Variants in BCL11B observed in about 807,000 individuals in gnomAD.
The protein encoded by BCL11B is BCL11 transcription factor B, also known as B-cell lymphoma/leukemia 11B.
Under a neutral mutation model 49.9 loss-of-function variants are expected in BCL11B, and 8 were observed. The observed-to-expected ratio is 0.16, with a 90% CI of 0.09 to 0.29. BCL11B has a LOEUF of 0.29. BCL11B is among the 10% of genes least tolerant of loss of function. The probability of loss-of-function intolerance (pLI) is 1.00; values close to 1 mark genes in which losing one functional copy is unlikely to be tolerated. For synonymous variants in BCL11B, 739 were observed against 637.4 expected (o/e 1.16, Z -2.40); for missense variants, 1,006 against 1,351.0 (o/e 0.74, Z 4.00).
chr14:99,233,485 T>C (rs1888397478), intron 2 of BCL11B, among the ~76,000 whole-genome samples: 1 of 152,230 alleles, frequency 6.6e-6, no homozygotes. Context: ...AATCCAGCCA[T>C]TGGAAGCTGC....
intron 3 of BCL11B, among the ~76,000 whole-genome samples, chr14:99,183,629 G>C (rs928672631): frequency 6.6e-6 from 1 of 151,410 alleles, no homozygotes; most frequent in African/African-American, 2.5e-5. Flanking sequence ...GTCGTTCGCT[G>C]TAGGATGAGG....
rs182361583 is a variant in BCL11B at position 99,242,492 on chromosome 14, G to T, written c.428-10935C>A. ...CCAGACAGCTCCTGGCTCCAAGCCTGCACCATCGCAGACTCCAGGTATCTG... is the reference window on the plus strand; with the variant it reads ...CCAGACAGCTCCTGGCTCCAAGCCTTCACCATCGCAGACTCCAGGTATCTG... On this transcript the variant is annotated intron_variant, in intron 2 of 3. Coordinates refer to ENST00000357195, the MANE Select transcript of BCL11B (RefSeq NM_138576.4). The surrounding 1 kb of genome is among the most constrained non-coding windows in gnomAD (Gnocchi z 4.4). 7.9e-4 allele frequency among the ~76,000 whole-genome samples: 121 copies of T among 152,310 alleles called. No individual in the cohort carries two copies. Among genetic ancestry groups the T allele is most frequent in the African/African-American group, 2.6e-3 (110 of 41,584 alleles).
At position 99,205,435 on chromosome 14, in the gene BCL11B, C is replaced by T. The variant is rs1274659122; in HGVS notation, c.640+25910G>A. Among the ~76,000 whole-genome samples, 1 of 152,192 alleles carries T rather than the reference C, an allele frequency of 6.6e-6. No homozygotes were observed. Among genetic ancestry groups the T allele is most frequent in the East Asian group, 1.9e-4 (1 of 5,178 alleles). ...GGACTCTCCCAAAGCCTGCATCTCC[C>T]ACTTCTACAATGACTGGTTAAATGC... is the stretch of plus-strand genomic sequence containing the variant. On this transcript the variant is annotated intron_variant, in intron 3 of 3. Transcript: ENST00000357195. This position sits in a 1 kb window ranked among gnomAD's most constrained non-coding sequence, Gnocchi z 5.0.
In BCL11B at chr14:99,257,420, G is replaced by T; in HGVS notation, c.427+51C>A. The T allele has an allele frequency of 6.5e-7, 1 of 1,547,618 alleles. No individual in the cohort carries two copies. Among genetic ancestry groups the T allele is most frequent in the Non-Finnish European group, 8.8e-7 (1 of 1,141,092 alleles). On this transcript the variant is annotated intron_variant, in intron 2 of 3. Coordinates refer to ENST00000357195, the MANE Select transcript of BCL11B (RefSeq NM_138576.4). This position sits in a 1 kb window ranked among gnomAD's most constrained non-coding sequence, Gnocchi z 6.2. The stretch of plus-strand genomic sequence containing the variant: ...CCAGCACACTCAGGCAGAGGGCATG[G>T]GACCCAGGAGGTGGCTTCCACAGCA...
intron 3 of BCL11B, among the ~76,000 whole-genome samples, chr14:99,226,538 A>G (rs1191538423): frequency 6.6e-6 from 1 of 152,222 alleles, no homozygotes; most frequent in African/African-American, 2.4e-5. Context: ...TCCGGTGTTA[A>G]TCGAACCCAG....
intron 1 of BCL11B, among the ~76,000 whole-genome samples, chr14:99,269,698 AATAT>A (rs1394954241): frequency 6.6e-6 from 1 of 150,746 alleles, no homozygotes; most frequent in African/African-American, 2.4e-5. Context: ...ATATAACATA[AATAT>A]TCGGCTCTCG....
At chr14:99,238,347 T>G (rs1888565415) in intron 2 of BCL11B, among the ~76,000 whole-genome samples, 1 of 152,150 alleles carries the variant, frequency 6.6e-6, no homozygotes, top group African/African-American at 2.4e-5. Context: ...CAGGCACGCT[T>G]GGGCACACCC....
chr14:99,266,341 T>C (rs1889482394), intron 1 of BCL11B, among the ~76,000 whole-genome samples: 1 of 152,116 alleles, frequency 6.6e-6, no homozygotes, highest in South Asian at 2.1e-4. Context: ...AAATGAGCAG[T>C]ACGCCTTCCC....
chr14:99,189,766 C>T (rs569938371), intron 3 of BCL11B, among the ~76,000 whole-genome samples: 3 of 152,268 alleles, frequency 2.0e-5, no homozygotes, highest in African/African-American at 4.8e-5. Context: ...GGGGAGTGCA[C>T]GAGGTAGAGC....
chr14:99,203,168 G>A (rs982667045), intron 3 of BCL11B, among the ~76,000 whole-genome samples: 1 of 152,092 alleles, frequency 6.6e-6, no homozygotes, highest in African/African-American at 2.4e-5. Flanking sequence ...ACTGCCCCAT[G>A]TGTTCCCGTT....
intron 3 of BCL11B, among the ~76,000 whole-genome samples, chr14:99,202,432 T>C (rs1887412891): frequency 6.6e-6 from 1 of 152,234 alleles, no homozygotes; most frequent in African/African-American, 2.4e-5. Flanking sequence ...GCTTGTCAGC[T>C]CACTGCCCTT....
rs1032734309 is a variant in BCL11B, at chr14:99,205,182, G to A, written c.640+26163C>T. Among the ~76,000 whole-genome samples the A allele has an allele frequency of 5.3e-5, 8 of 151,848 alleles. No homozygotes were observed. The East Asian group carries it at 9.7e-4, about 18-fold the overall frequency. On this transcript the variant is annotated intron_variant, in intron 3 of 3. Coordinates refer to ENST00000357195, the MANE Select transcript of BCL11B (RefSeq NM_138576.4). The surrounding 1 kb of genome is among the most constrained non-coding windows in gnomAD (Gnocchi z 5.0). ...TTAAAAAAAAAACAGGCCCTTGAAC[G>A]AACCGAGGGCCCTCCTGGGCTGTCA...
intron 3 of BCL11B, among the ~76,000 whole-genome samples, chr14:99,188,546 G>A (rs1886925215): frequency 6.7e-6 from 1 of 149,100 alleles, no homozygotes; most frequent in Non-Finnish European, 1.5e-5. Flanking sequence ...GCCTGGGGCT[G>A]GGGCTGGGGC....
At position 99,262,968 on chromosome 14, in the gene BCL11B, C is replaced by T. The variant is rs1311770875; in HGVS notation, c.59-5129G>A. 1.3e-5 allele frequency: 2 copies of T among 151,976 alleles called. No homozygotes were observed. The highest frequency in any genetic ancestry group is 6.6e-5 in the Admixed American group (1 of 15,252). 9.4% of individuals were successfully genotyped at this position (151,976 alleles called of 1,614,324 possible). On this transcript the variant is annotated intron_variant, in intron 1 of 3. Transcript: ENST00000357195. The surrounding 1 kb of genome is among the most constrained non-coding windows in gnomAD (Gnocchi z 4.2). ...ACGACAAGAGATTTTATGAAGTTCCCCTAACGGAGGGAATAATGAAGTGCC... is the reference window on the plus strand; with the variant it reads ...ACGACAAGAGATTTTATGAAGTTCCTCTAACGGAGGGAATAATGAAGTGCC...
intron 3 of BCL11B, among the ~76,000 whole-genome samples, chr14:99,179,389 G>A (rs1360881122): frequency 6.8e-6 from 1 of 147,862 alleles, no homozygotes; most frequent in Non-Finnish European, 1.5e-5. Context: ...CAGGAGAATC[G>A]CTTGAACCCG....
intron 2 of BCL11B, among the ~76,000 whole-genome samples, chr14:99,252,215 A>C (rs908852156): frequency 6.6e-6 from 1 of 152,196 alleles, no homozygotes; most frequent in Non-Finnish European, 1.5e-5. Context: ...GTCATGATTT[A>C]ATAATAAAAA....
chr14:99,224,031 C>A (rs1412948057), intron 3 of BCL11B, among the ~76,000 whole-genome samples: 1 of 152,224 alleles, frequency 6.6e-6, no homozygotes, highest in Non-Finnish European at 1.5e-5. Flanking sequence ...GGGCAAGGAC[C>A]CCGTCATGCC....
chr14:99,173,672 C>T lies in BCL11B; in HGVS notation c.*479G>A, dbSNP rs1886366865. Reference sequence around the variant, plus strand: ...TTAAAAGTCATTTGAGTGTTGGCTTCTTCACAAGAAATTACACATGCTTAG... The same window carrying T: ...TTAAAAGTCATTTGAGTGTTGGCTTTTTCACAAGAAATTACACATGCTTAG... On this transcript the variant is annotated 3_prime_UTR_variant, in exon 4 of 4. Transcript: ENST00000357195. The T allele has an allele frequency of 4.4e-6, 1 of 224,872 alleles. No individual in the cohort carries two copies. The highest frequency in any genetic ancestry group is 8.9e-6 in the Non-Finnish European group (1 of 112,928). 13.9% of individuals were successfully genotyped at this position (224,872 alleles called of 1,614,324 possible).
Position 99,231,200 on chromosome 14 carries a change from T to G in BCL11B, c.640+145A>C. 1 of 904,330 alleles carries G rather than the reference T, an allele frequency of 1.1e-6. No individual in the cohort carries two copies. Among genetic ancestry groups the G allele is most frequent in the Non-Finnish European group, 1.6e-6 (1 of 608,210 alleles). The allele number at this position is 904,330 out of a possible 1,614,324, so 56.0% of individuals were successfully genotyped here. A position where few individuals can be genotyped will look rare whatever the true frequency, so the allele number is the denominator to read the frequency against. On this transcript the variant is annotated intron_variant, in intron 3 of 3. Transcript: ENST00000357195. This position sits in a 1 kb window ranked among gnomAD's most constrained non-coding sequence, Gnocchi z 8.1. ...GCCCTGGCTCATAGTTCAGCGAACA[T>G]TCTTTACCACTTCCCCTGGCACCCC...
Sources: gnomAD v4.1 joint callset for allele counts (sites outside exome capture counted in the v4.1 genomes callset) on GRCh38, gnomAD v4.1.1 for gene constraint, Gnocchi (gnomAD v3.1) non-coding constraint, MANE v1.5 for transcripts, NCBI Gene and HGNC (gene_info 2026-07-23, HGNC 2026-07-21) for gene names.